The following PABPC1L variants were observed in gnomAD, a reference collection of about 807,000 sequenced individuals.
The protein encoded by PABPC1L is poly(A) binding protein cytoplasmic 1 like.
A neutral mutation model predicts 66.6 loss-of-function variants in PABPC1L; 31 were observed. The observed-to-expected ratio is 0.47, with a 90% CI of 0.35 to 0.63. PABPC1L has a LOEUF of 0.63. PABPC1L is among the 20% of genes least tolerant of loss of function. PABPC1L has a pLI of 0.00. For missense variants in PABPC1L, 722 were observed against 848.8 expected (o/e 0.85, Z 1.86); for synonymous variants, 348 against 335.1 (o/e 1.04, Z -0.42).
chr20:44,911,495 A>G (rs1266354203), intron 1 of PABPC1L, among the ~76,000 whole-genome samples: 3 of 152,096 alleles, frequency 2.0e-5, no homozygotes, highest in Non-Finnish European at 2.9e-5. Flanking sequence ...CAAAAAAGAA[A>G]CAACAACGAA....
intron 7 of PABPC1L, among the ~76,000 whole-genome samples, chr20:44,924,982 G>A (rs576595073): frequency 3.4e-4 from 52 of 151,260 alleles, no homozygotes; most frequent in Non-Finnish European, 6.5e-4. Flanking sequence ...GGGAGGCTGA[G>A]GCAGGCAGAT....
Position 44,938,069 on chromosome 20 carries a change from C to G in PABPC1L, c.1669C>G (p.Leu557Val), listed in dbSNP as rs1238509752. Residue 557 changes from leucine (L) to valine (V), a missense_variant, in exon 13 of 15, where the codon CTC (leucine) becomes GTC (valine). Physicochemically the swap from Leu to Val is conservative, Grantham distance 32 (BLOSUM62 1). Around this residue, in one of 3 missense-constraint regions of PABPC1L, gnomAD observed 301 missense variants for 337.2 expected, o/e 0.89. Transcript: ENST00000217073. ...HEQKQMIGERLYPLIHDVHTQ... is the reference protein window; with the variant it reads ...HEQKQMIGERVYPLIHDVHTQ... ...GAAGGTGTTCCACACAGGGGAGCGTCTCTACCCCCTTATCCATGATGTCCA... is the reference window on the plus strand; with the variant it reads ...GAAGGTGTTCCACACAGGGGAGCGTGTCTACCCCCTTATCCATGATGTCCA... The G allele has an allele frequency of 6.2e-7, 1 of 1,614,084 alleles. No individual in the cohort carries two copies. Among genetic ancestry groups the G allele is most frequent in the Non-Finnish European group, 8.5e-7 (1 of 1,180,038 alleles).
intron 1 of PABPC1L, among the ~76,000 whole-genome samples, chr20:44,911,968 G>T (rs1211785948): frequency 6.6e-6 from 1 of 152,174 alleles, no homozygotes; most frequent in East Asian, 1.9e-4. Flanking sequence ...AGCAGTGGCC[G>T]GAGGCTGGGC....
chr20:44,938,969 G>A (rs979757591), intron 14 of PABPC1L, among the ~76,000 whole-genome samples, 157 bp from the exon 15 acceptor site: 4 of 152,260 alleles, frequency 2.6e-5, no homozygotes, highest in African/African-American at 9.6e-5. Flanking sequence ...CAGCTGCCCT[G>A]CCTGGCTTCA....
At chr20:44,926,738 G>A (rs1279872817) in intron 7 of PABPC1L, among the ~76,000 whole-genome samples, 2 of 152,016 alleles carry the variant, frequency 1.3e-5, no homozygotes, top group African/African-American at 2.4e-5. Flanking sequence ...GTAAAGATGA[G>A]GTTTCACCAT....
At chr20:44,910,357 G>A (rs957544528) in intron 1 of PABPC1L, 21 bp downstream of exon 1, 3 of 1,473,932 alleles carry the variant, frequency 2.0e-6, no homozygotes, top group South Asian at 1.3e-5. Context: ...GGGATGGGGC[G>A]GGAGGGGAAG....
intron 8 of PABPC1L, 70 bp downstream of exon 8, chr20:44,930,796 G>T: frequency 6.5e-7 from 1 of 1,534,986 alleles, no homozygotes. Flanking sequence ...ATGAAGACTA[G>T]AGTTCTAGGG....
intron 7 of PABPC1L, among the ~76,000 whole-genome samples, chr20:44,928,864 C>CAAAAAAAAAAAAAAAAAA (rs10597679): frequency 1.8e-5 from 1 of 54,354 alleles, no homozygotes; most frequent in Non-Finnish European, 3.0e-5. Context: ...GATCCTGACT[C>CAAAAAAAAAAAAAAAAAA]AAAAAAAAAA....
At chr20:44,916,704 C>G in intron 2 of PABPC1L, 52 bp from the exon 3 acceptor site, 1 of 1,566,578 alleles carries the variant, frequency 6.4e-7, no homozygotes. Context: ...CCATTCCTTT[C>G]TACCTGAACC....
chr20:44,910,344 C>A lies in PABPC1L; in HGVS notation c.193+8C>A. 6.7e-7 allele frequency: 1 copy of A among 1,497,934 alleles called. No homozygotes were observed. The highest frequency in any genetic ancestry group is 1.4e-5 in the African/African-American group (1 of 70,206). The allele number at this position is 1,497,934 out of a possible 1,614,324, so 92.8% of individuals were successfully genotyped here. A position where few individuals can be genotyped will look rare whatever the true frequency, so the allele number is the denominator to read the frequency against. On this transcript the variant is annotated splice_region_variant and intron_variant, in intron 1 of 14. Transcript: ENST00000217073. ...TCCAGCAGCCCGCGGACGGTGAGCC[C>A]CGGGGATGGGGCGGGAGGGGAAGGA... is the stretch of plus-strand genomic sequence containing the variant.
chr20:44,925,866 A>T, intron 7 of PABPC1L, among the ~76,000 whole-genome samples: 1 of 152,334 alleles, frequency 6.6e-6, no homozygotes, highest in East Asian at 1.9e-4. Context: ...TTTAAAGTTA[A>T]TCAGGTTTAA....
At chr20:44,916,919 C>G in intron 3 of PABPC1L, 48 bp downstream of exon 3, 1 of 1,546,396 alleles carries the variant, frequency 6.5e-7, no homozygotes, top group African/African-American at 1.4e-5. Flanking sequence ...GGGACAGAAG[C>G]ATGGCACCAC....
At chr20:44,939,041 TG>T in intron 14 of PABPC1L, 84 bp from the exon 15 acceptor site, 1 of 713,528 alleles carries the variant, frequency 1.4e-6, no homozygotes. Flanking sequence ...CCTGAAGGCC[TG>T]GCCAGGATGT....
At chr20:44,915,730 C>T (rs983724959) in intron 2 of PABPC1L, among the ~76,000 whole-genome samples, 5 of 145,384 alleles carry the variant, frequency 3.4e-5, no homozygotes, top group South Asian at 2.2e-4. Flanking sequence ...ACCTGGGAGG[C>T]GGGGGTTGCA....
chr20:44,932,945 T>C, intron 9 of PABPC1L, 112 bp from the exon 10 acceptor site: 1 of 656,762 alleles, frequency 1.5e-6, no homozygotes. Flanking sequence ...ATGTTGTAGT[T>C]TCCCTTCCCA....
chr20:44,935,436 G>C lies in PABPC1L; in HGVS notation c.1505G>C (p.Cys502Ser). Reference protein sequence around the residue: ...QTTGPSGVGCCTPGRPLLPCK... With the variant: ...QTTGPSGVGCSTPGRPLLPCK... ...ACAGGACCCAGTGGGGTAGGATGCTGTACACCAGGCCGGCCGCTCCTGCCG... is the reference window on the plus strand; with the variant it reads ...ACAGGACCCAGTGGGGTAGGATGCTCTACACCAGGCCGGCCGCTCCTGCCG... Residue 502 changes from cysteine (C) to serine (S), a missense_variant, in exon 11 of 15, where the codon TGT (cysteine) becomes TCT (serine). This residue lies in a region of PABPC1L where 301 missense variants were observed against 337.2 expected (regional missense o/e 0.89). Transcript: ENST00000217073. 6.2e-7 allele frequency: 1 copy of C among 1,614,192 alleles called. No homozygotes were observed. Among genetic ancestry groups the C allele is most frequent in the Non-Finnish European group, 8.5e-7 (1 of 1,180,034 alleles).
chr20:44,921,878 C>A, intron 6 of PABPC1L, 147 bp downstream of exon 6: 1 of 1,200,780 alleles, frequency 8.3e-7, no homozygotes, highest in Non-Finnish European at 1.2e-6. Context: ...ATGGCCCCCA[C>A]TGCCTAATGT....
intron 3 of PABPC1L, among the ~76,000 whole-genome samples, chr20:44,918,258 A>T (rs1205979934): frequency 6.6e-6 from 1 of 152,208 alleles, no homozygotes; most frequent in Non-Finnish European, 1.5e-5. Context: ...TGAACCCAGG[A>T]GGTGGAGCTT....
intron 14 of PABPC1L, 36 bp from the exon 15 acceptor site, chr20:44,939,090 C>T: frequency 2.8e-6 from 2 of 717,552 alleles, no homozygotes; most frequent in Non-Finnish European, 5.2e-6. Context: ...GTCTGCCATA[C>T]TTTAAAAACA....
Sources: gnomAD v4.1 joint callset for allele counts (sites outside exome capture counted in the v4.1 genomes callset) on GRCh38, gnomAD v4.1.1 for gene constraint, gnomAD v4.1.1 regional missense constraint, MANE v1.5 for transcripts, NCBI Gene and HGNC (gene_info 2026-07-23, HGNC 2026-07-21) for gene names.